VPS50: variants seen among roughly 807,000 people sequenced by gnomAD.
The protein encoded by VPS50 is syndetin.
In VPS50, 70 loss-of-function variants were observed where a neutral mutation model predicts 139.7. The observed-to-expected ratio is 0.50, with a 90% CI of 0.41 to 0.61. VPS50 has a LOEUF of 0.61. Among genes scored for constraint, VPS50 ranks in the 20% least tolerant of loss-of-function variants. The pLI, the probability that VPS50 is intolerant of heterozygous loss-of-function variation, is 0.00. For missense variants in VPS50, 921 were observed against 1,133.7 expected, an observed-to-expected ratio of 0.81 and a Z score of 2.69; for synonymous variants, 365 against 376.7, an observed-to-expected ratio of 0.97 and a Z score of 0.36.
chr7:93,310,378 T>C (rs758016719), intron 19 of VPS50, among the ~76,000 whole-genome samples: 5 of 152,060 alleles, frequency 3.3e-5, no homozygotes, highest in Non-Finnish European at 7.4e-5. Context: ...GTTATCTCTG[T>C]GCCAGATTAT....
At chr7:93,352,212 T>A (rs989982508) in intron 25 of VPS50, among the ~76,000 whole-genome samples, 8 of 152,188 alleles carry the variant, frequency 5.3e-5, no homozygotes, top group African/African-American at 1.9e-4. Context: ...TATTGAATTA[T>A]GACTCTTGAA....
intron 22 of VPS50, among the ~76,000 whole-genome samples, chr7:93,337,729 A>C (rs1798103497): frequency 6.6e-6 from 1 of 152,118 alleles, no homozygotes; most frequent in African/African-American, 2.4e-5. Context: ...ATTGGAGTAT[A>C]ATCTTCCAAG....
rs1053658468 is a variant in VPS50 at position 93,309,893 on chromosome 7, G to A, written c.1748+951G>A. The stretch of plus-strand genomic sequence containing the variant: ...TCTTAATGATAAGTATATTCTTATC[G>A]TTTAACCCTAAGCTACCTATTTAAT... On this transcript the variant is annotated intron_variant, in intron 19 of 27. Coordinates refer to ENST00000305866, the MANE Select transcript of VPS50 (RefSeq NM_017667.4). 6.6e-5 allele frequency among the ~76,000 whole-genome samples: 10 copies of A among 151,854 alleles called. 1 individual carries two copies. Among genetic ancestry groups the A allele is most frequent in the African/African-American group, 7.2e-5 (3 of 41,462 alleles).
intron 1 of VPS50, among the ~76,000 whole-genome samples, chr7:93,237,060 C>T (rs2116764320): frequency 6.7e-6 from 1 of 148,382 alleles, no homozygotes; most frequent in East Asian, 2.0e-4. Flanking sequence ...ATGCCATTCG[C>T]CTGCCTCAGC....
chr7:93,264,668 A>G (rs1047902640), intron 9 of VPS50, among the ~76,000 whole-genome samples: 2 of 152,182 alleles, frequency 1.3e-5, no homozygotes, highest in Non-Finnish European at 2.9e-5. Flanking sequence ...AGGTTGTAGA[A>G]TGTCTTTACG....
rs566730767 is a variant in VPS50, at chr7:93,304,841, T to C, written c.1453-987T>C. ...TTGATTTTCTAAAAATTAGTCTCAT[T>C]GATGTATATTCACTCCTTATTTAGA... On this transcript the variant is annotated intron_variant, in intron 17 of 27. Coordinates refer to ENST00000305866, the MANE Select transcript of VPS50 (RefSeq NM_017667.4). Among the ~76,000 whole-genome samples the C allele has an allele frequency of 2.2e-4, 33 of 151,938 alleles. 1 individual carries two copies. The highest frequency in any genetic ancestry group is 6.8e-3 in the Middle Eastern group (2 of 294).
intron 13 of VPS50, 33 bp from the exon 14 acceptor site, chr7:93,294,512 A>T: frequency 6.8e-7 from 1 of 1,478,646 alleles, no homozygotes; most frequent in South Asian, 1.4e-5. Flanking sequence ...AATTGGATTA[A>T]ATCTAAAAAT....
intron 20 of VPS50, among the ~76,000 whole-genome samples, chr7:93,312,098 G>A (rs1797285785): frequency 6.6e-6 from 1 of 152,024 alleles, no homozygotes; most frequent in Non-Finnish European, 1.5e-5. Flanking sequence ...TTAATGAATA[G>A]GATAAAATGT....
At chr7:93,349,852 C>T (rs751869287) in intron 24 of VPS50, 23 bp from the exon 25 acceptor site, 2 of 1,587,102 alleles carry the variant, frequency 1.3e-6, no homozygotes, top group Admixed American at 1.8e-5. Flanking sequence ...TAATTGTTTT[C>T]ATTTTTGTGA....
At chr7:93,356,409 TTGAATACAGA>T (rs1798708221) in intron 27 of VPS50, among the ~76,000 whole-genome samples, 1 of 152,182 alleles carries the variant, frequency 6.6e-6, no homozygotes, top group Admixed American at 6.6e-5. Context: ...CTGAGACAGA[TTGAATACAGA>T]AACAATGAAA....
At chr7:93,295,852 G>A (rs1796793702) in intron 14 of VPS50, among the ~76,000 whole-genome samples, 1 of 152,072 alleles carries the variant, frequency 6.6e-6, no homozygotes, top group East Asian at 1.9e-4. Flanking sequence ...AGCCTCCTGA[G>A]TAGCTGGGAC....
chr7:93,321,612 C>T (rs1797615371), intron 20 of VPS50, among the ~76,000 whole-genome samples: 1 of 152,106 alleles, frequency 6.6e-6, no homozygotes, highest in Non-Finnish European at 1.5e-5. Flanking sequence ...AAATTAATAT[C>T]CTTATGTTTG....
chr7:93,311,998 T>G (rs757987828), intron 20 of VPS50, among the ~76,000 whole-genome samples: 14 of 152,156 alleles, frequency 9.2e-5, no homozygotes, highest in Non-Finnish European at 1.8e-4. Context: ...ATATTCTATC[T>G]ATGGAGATGG....
intron 22 of VPS50, among the ~76,000 whole-genome samples, chr7:93,337,517 A>T (rs1293585164): frequency 6.6e-6 from 1 of 152,198 alleles, no homozygotes; most frequent in Non-Finnish European, 1.5e-5. Context: ...AGTTTTATAA[A>T]TATATTGTGT....
chr7:93,322,557 G>A (rs1028090961), intron 20 of VPS50, among the ~76,000 whole-genome samples: 14 of 131,494 alleles, frequency 1.1e-4, no homozygotes, highest in Admixed American at 5.6e-4. Context: ...CCGAGATCGC[G>A]CCACTGCACT....
At chr7:93,287,973 C>T (rs553391152) in intron 12 of VPS50, among the ~76,000 whole-genome samples, 17 of 152,148 alleles carry the variant, frequency 1.1e-4, no homozygotes, top group Admixed American at 2.0e-4. Context: ...CATTTATAAA[C>T]GATAGAGGTT....
Position 93,350,014 on chromosome 7 carries a change from A to C in VPS50, c.2444A>C (p.Tyr815Ser), listed in dbSNP as rs1306342219. 5 of 1,612,558 alleles carry C rather than the reference A, an allele frequency of 3.1e-6. No individual in the cohort carries two copies. Among genetic ancestry groups the C allele is most frequent in the Non-Finnish European group, 4.2e-6 (5 of 1,179,112 alleles). The change falls in exon 25 of 28, where the codon TAT becomes TCT. Residue 815 changes from tyrosine to serine, a missense_variant. Coordinates refer to ENST00000305866, the MANE Select transcript of VPS50 (RefSeq NM_017667.4). ...GAAATTATGTCACAGCACAACATAT[A>C]TGTAGATGCACTATTAAAGGCAAGT... is the stretch of plus-strand genomic sequence containing the variant. ...VKEIMSQHNI[Y>S]VDALLKEFEQ...
intron 18 of VPS50, 27 bp from the exon 19 acceptor site, chr7:93,308,796 AT>A: frequency 2.3e-6 from 3 of 1,326,866 alleles, no homozygotes; most frequent in Non-Finnish European, 2.2e-6. Flanking sequence ...CTTTATACTC[AT>A]TTTTTAATAA....
intron 23 of VPS50, among the ~76,000 whole-genome samples, chr7:93,342,628 T>C (rs1798252802): frequency 6.6e-6 from 1 of 152,184 alleles, no homozygotes; most frequent in African/African-American, 2.4e-5. Context: ...CAGCTGGAGA[T>C]CTGAGAACGG....
Sources: allele counts gnomAD v4.1 joint callset (sites outside exome capture counted in the v4.1 genomes callset), GRCh38; gene constraint gnomAD v4.1.1; transcripts MANE v1.5; gene names NCBI Gene and HGNC (gene_info 2026-07-23, HGNC 2026-07-21).